Variants in MGAT4C observed in about 807,000 individuals in gnomAD.
MGAT4C encodes the protein MGAT4 family member C, also known as alpha-1,3-mannosyl-glycoprotein 4-beta-N-acetylglucosaminyltransferase C.
MGAT4C carries 19 observed loss-of-function variants against 40.1 expected under a neutral mutation model. The observed-to-expected ratio is 0.47, with a 90% CI of 0.33 to 0.70. The LOEUF (loss-of-function observed/expected upper bound fraction) is 0.70, where lower values mean the gene tolerates loss of function less well. Among genes scored for constraint, MGAT4C ranks in the 30% least tolerant of loss-of-function variants. The pLI is 0.02. For missense variants in MGAT4C, 491 were observed against 563.2 expected (o/e 0.87, Z 1.30); for synonymous variants, 181 against 187.1 (o/e 0.97, Z 0.27).
At position 85,956,146 on chromosome 12, in the gene MGAT4C, T is replaced by C. The variant is rs996924752; in HGVS notation, c.*23143A>G. ...ATGGTAGCTAGTTTAATTGGATTTG[T>C]TTTTCAAATTTGGACATAACCTTCA... On this transcript the variant is annotated 3_prime_UTR_variant, in exon 5 of 5. Transcript: ENST00000611864. The C allele has an allele frequency of 7.2e-5, 11 of 152,204 alleles. No homozygotes were observed. The highest frequency in any genetic ancestry group is 2.7e-4 in the African/African-American group (11 of 41,464). The allele number at this position is 152,204 out of a possible 1,614,324, so 9.4% of individuals were successfully genotyped here. A position where few individuals can be genotyped will look rare whatever the true frequency, so the allele number is the denominator to read the frequency against.
chr12:86,070,293 A>G (rs1331954553), intron 1 of MGAT4C, among the ~76,000 whole-genome samples: 1 of 152,030 alleles, frequency 6.6e-6, no homozygotes. Flanking sequence ...TCATCTTTTA[A>G]TATGCCATAT....
At chr12:86,574,917 AC>A (rs1475088351) in intron 2 of MGAT4C, among the ~76,000 whole-genome samples, 1 of 151,858 alleles carries the variant, frequency 6.6e-6, no homozygotes, top group African/African-American at 2.4e-5. Context: ...CCAAGTTGAT[AC>A]AGTGAGTATC....
At chr12:86,662,621 A>G (rs1964007782) in intron 2 of MGAT4C, among the ~76,000 whole-genome samples, 1 of 152,144 alleles carries the variant, frequency 6.6e-6, no homozygotes, top group Admixed American at 6.6e-5. Flanking sequence ...AACCTCTAAT[A>G]TGTAAATGAT....
At position 85,955,920 on chromosome 12, in the gene MGAT4C, A is replaced by T. The variant is rs1463424966; in HGVS notation, c.*23369T>A. 1.3e-5 allele frequency: 2 copies of T among 152,190 alleles called. No individual in the cohort carries two copies. The highest frequency in any genetic ancestry group is 2.9e-5 in the Non-Finnish European group (2 of 68,012). The allele number at this position is 152,190 out of a possible 1,614,324, so 9.4% of individuals were successfully genotyped here. ...TTGTGTATATACATTTCAATCAGTAAATATCAACTACAAGGTTAGTGCAAT... is the reference window on the plus strand; with the variant it reads ...TTGTGTATATACATTTCAATCAGTATATATCAACTACAAGGTTAGTGCAAT... On this transcript the variant is annotated 3_prime_UTR_variant, in exon 5 of 5. Transcript: ENST00000611864.
rs191340495 is a variant in MGAT4C at position 86,767,345 on chromosome 12, C to A, written c.-261-40104G>T. On this transcript the variant is annotated intron_variant, in intron 1 of 7. Transcript: ENST00000548651. Reference sequence around the variant, plus strand: ...AGTTGAATCTCTGAATAGACCAAAACAGGCTCTGAAATTGTGGCAATAATC... The same window carrying A: ...AGTTGAATCTCTGAATAGACCAAAAAAGGCTCTGAAATTGTGGCAATAATC... Among the ~76,000 whole-genome samples, 124 of 152,260 alleles carry A rather than the reference C, an allele frequency of 8.1e-4. 1 individual carries two copies. Among genetic ancestry groups the A allele is most frequent in the African/African-American group, 2.9e-3 (119 of 41,544 alleles).
intron 2 of MGAT4C, among the ~76,000 whole-genome samples, chr12:86,482,560 T>C (rs572580149): frequency 1.1e-3 from 174 of 152,196 alleles, no homozygotes; most frequent in Admixed American, 3.5e-3. Context: ...TAAATGTATA[T>C]GTTGTTGAAC....
At chr12:86,428,549 G>T (rs551936772) in intron 3 of MGAT4C, among the ~76,000 whole-genome samples, 3 of 152,164 alleles carry the variant, frequency 2.0e-5, no homozygotes, top group Admixed American at 6.5e-5. Context: ...TTGAGGATTT[G>T]TATCTGTTTT....
At chr12:86,083,133 C>T (rs747350785) in intron 1 of MGAT4C, among the ~76,000 whole-genome samples, 3 of 152,048 alleles carry the variant, frequency 2.0e-5, no homozygotes, top group South Asian at 2.1e-4. Flanking sequence ...TCTCTTTTTG[C>T]TCCATTGCCA....
intron 3 of MGAT4C, among the ~76,000 whole-genome samples, chr12:86,350,182 C>T (rs941333006): frequency 1.3e-5 from 2 of 151,952 alleles, no homozygotes; most frequent in Non-Finnish European, 1.5e-5. Flanking sequence ...ATTCAGGAAC[C>T]CCAGACTTTA....
At chr12:86,777,143 T>A (rs1048973468) in intron 1 of MGAT4C, among the ~76,000 whole-genome samples, 3 of 152,154 alleles carry the variant, frequency 2.0e-5, no homozygotes, top group Admixed American at 6.6e-5. Context: ...TTCTTTTAAA[T>A]TTTTTTAATG....
chr12:86,036,665 T>C (rs1891267234), intron 2 of MGAT4C, among the ~76,000 whole-genome samples: 1 of 150,032 alleles, frequency 6.7e-6, no homozygotes, highest in Non-Finnish European at 1.5e-5. Context: ...CTGTGGTGGA[T>C]AAGCTTTTTG....
In MGAT4C at chr12:85,965,554, G is replaced by A. The variant is rs1160005946; in HGVS notation, c.*13735C>T. On this transcript the variant is annotated 3_prime_UTR_variant, in exon 5 of 5. Transcript: ENST00000611864. ...GGAACTTGCAGTGAGCGGAGATAGT[G>A]CCACTGCAGTCCGGCCTGGGCAAAA... 7.3e-6 allele frequency: 1 copy of A among 137,930 alleles called. No homozygotes were observed. The highest frequency in any genetic ancestry group is 1.5e-5 in the Non-Finnish European group (1 of 66,256). 8.5% of individuals were successfully genotyped at this position (137,930 alleles called of 1,614,324 possible).
intron 2 of MGAT4C, among the ~76,000 whole-genome samples, chr12:86,486,625 C>A (rs2406157): frequency 0.1 from 15,818 of 152,116 alleles, 1,031 homozygotes; most frequent in Middle Eastern, 0.25. Context: ...ACACAATAAT[C>A]GTGGGACACT....
In MGAT4C at chr12:85,969,757, A is replaced by G. The variant is rs1443082270; in HGVS notation, c.*9532T>C. ...ATAAGGGGCATAGATTTTGAATTAC[A>G]CAAACCTGAAATCCAATGCTCTCTC... is the stretch of plus-strand genomic sequence containing the variant. On this transcript the variant is annotated 3_prime_UTR_variant, in exon 5 of 5. Transcript: ENST00000611864. 6.6e-6 allele frequency: 1 copy of G among 151,476 alleles called. No homozygotes were observed. The highest frequency in any genetic ancestry group is 1.5e-5 in the Non-Finnish European group (1 of 67,534). 9.4% of individuals were successfully genotyped at this position (151,476 alleles called of 1,614,324 possible). A position where few individuals can be genotyped will look rare whatever the true frequency, so the allele number is the denominator to read the frequency against.
chr12:86,607,377 T>C (rs1166998820), intron 2 of MGAT4C, among the ~76,000 whole-genome samples: 1 of 152,128 alleles, frequency 6.6e-6, no homozygotes, highest in Non-Finnish European at 1.5e-5. Context: ...GATTTCATCA[T>C]TAAAATTTCC....
upstream of MGAT4C, among the ~76,000 whole-genome samples, chr12:86,258,438 T>G (rs578252354): frequency 4.6e-5 from 7 of 152,200 alleles, no homozygotes; most frequent in East Asian, 1.2e-3. Flanking sequence ...GGTGACAGAA[T>G]GCCACATATA....
chr12:86,803,665 A>G (rs1348383323), intron 1 of MGAT4C, among the ~76,000 whole-genome samples: 1 of 151,090 alleles, frequency 6.6e-6, no homozygotes, highest in East Asian at 2.0e-4. Flanking sequence ...ACATGAAAAA[A>G]TGCTCATCAT....
chr12:86,122,819 A>G (rs1272740288), intron 1 of MGAT4C, among the ~76,000 whole-genome samples: 1 of 152,170 alleles, frequency 6.6e-6, no homozygotes, highest in Non-Finnish European at 1.5e-5. Context: ...AGTATGCACA[A>G]AATGATAGTA....
rs989989777 is a variant in MGAT4C, at chr12:86,578,225, C to G, written c.-228-142960G>C. On this transcript the variant is annotated intron_variant, in intron 2 of 7. Transcript: ENST00000548651. ...ATAGGCAGAATTGCTCTCACAGGCCCTGGACCTTGTGCCTCCCTCTCTCCC... is the reference window on the plus strand; with the variant it reads ...ATAGGCAGAATTGCTCTCACAGGCCGTGGACCTTGTGCCTCCCTCTCTCCC... Among the ~76,000 whole-genome samples the G allele has an allele frequency of 7.9e-5, 12 of 151,852 alleles. 2 individuals carry two copies. The highest frequency in any genetic ancestry group is 7.9e-4 in the Admixed American group (12 of 15,196).
Sources: allele counts gnomAD v4.1 joint callset (sites outside exome capture counted in the v4.1 genomes callset), GRCh38; gene constraint gnomAD v4.1.1; transcripts MANE v1.5; gene names NCBI Gene and HGNC (gene_info 2026-07-23, HGNC 2026-07-21).